The following SPAG9 variants were observed in gnomAD, a reference collection of about 807,000 sequenced individuals.
SPAG9 encodes sperm associated antigen 9.
SPAG9 carries 35 observed loss-of-function variants against 166.5 expected under a neutral mutation model. That is an observed-to-expected ratio of 0.21 (90% confidence interval 0.16 to 0.28). SPAG9 has a LOEUF of 0.28. Among genes scored for constraint, SPAG9 ranks in the 10% least tolerant of loss-of-function variants. SPAG9 has a pLI of 1.00. For missense variants in SPAG9, 1,235 were observed against 1,603.3 expected (o/e 0.77, Z 3.92); for synonymous variants, 534 against 565.5 (o/e 0.94, Z 0.79).
intron 9 of SPAG9, among the ~76,000 whole-genome samples, chr17:51,013,377 C>A (rs1167436354): frequency 1.3e-5 from 2 of 152,152 alleles, no homozygotes; most frequent in Non-Finnish European, 2.9e-5. Flanking sequence ...TCATCTAGGG[C>A]AGGGGTTGGC....
chr17:51,114,767 C>T (rs1246812893), intron 1 of SPAG9, among the ~76,000 whole-genome samples: 1 of 152,156 alleles, frequency 6.6e-6, no homozygotes, highest in Non-Finnish European at 1.5e-5. Context: ...CCCTGGCCAA[C>T]ATGGTGAAAC....
chr17:50,981,637 T>G lies in SPAG9; in HGVS notation c.3237+887A>C, dbSNP rs546833383. Among the ~76,000 whole-genome samples, 17 of 149,974 alleles carry G rather than the reference T, an allele frequency of 1.1e-4. No individual in the cohort carries two copies. The South Asian group carries it at 3.6e-3, about 32-fold the overall frequency. On this transcript the variant is annotated intron_variant, in intron 25 of 29. Coordinates refer to ENST00000262013, the MANE Select transcript of SPAG9 (RefSeq NM_001130528.3). ...GAAAGAAATGTGATTTGGGGGAGGG[T>G]GAAGGAGGGCTTTCACCTTAAAATT... is the stretch of plus-strand genomic sequence containing the variant.
intron 16 of SPAG9, chr17:50,996,320 ACTC>A: frequency 2.2e-6 from 1 of 452,858 alleles, no homozygotes; most frequent in Non-Finnish European, 3.9e-6. Flanking sequence ...GGTACCTCAA[ACTC>A]CATGCACTTA....
chr17:51,018,025 C>T (rs949785516), intron 8 of SPAG9, among the ~76,000 whole-genome samples: 1 of 152,178 alleles, frequency 6.6e-6, no homozygotes, highest in Non-Finnish European at 1.5e-5. Flanking sequence ...AAGGCAGTAG[C>T]TCCTGTCTGA....
chr17:51,036,455 A>G (rs2046586609), intron 5 of SPAG9, among the ~76,000 whole-genome samples: 1 of 151,984 alleles, frequency 6.6e-6, no homozygotes, highest in South Asian at 2.1e-4. Flanking sequence ...TTCAGCGCTC[A>G]AGTCTCTTAC....
chr17:51,008,748 C>T (rs1286613806), intron 9 of SPAG9, among the ~76,000 whole-genome samples: 1 of 152,064 alleles, frequency 6.6e-6, no homozygotes, highest in Non-Finnish European at 1.5e-5. Context: ...TATCTACAAA[C>T]TGAAACCAAA....
intron 8 of SPAG9, among the ~76,000 whole-genome samples, chr17:51,014,845 G>A (rs2045633427): frequency 6.6e-6 from 1 of 151,108 alleles, no homozygotes; most frequent in Non-Finnish European, 1.5e-5. Flanking sequence ...AGAAACCCAT[G>A]ATACAAAGGT....
rs1362112945 is a variant in SPAG9, at chr17:50,995,171, A to C, written c.2112T>G (p.Gly704=). The change falls in exon 18 of 30, where the codon GGT becomes GGG. Residue 704 remains glycine (G), a synonymous_variant. Coordinates refer to ENST00000262013, the MANE Select transcript of SPAG9 (RefSeq NM_001130528.3). ...NLSGGKTRDG[G]SVVGASVFYK... ...AAAATACACTTGCTCCAACAACAGA[A>C]CCACCATCTCTGGTCTTCCCACCAG... 1 of 1,613,976 alleles carries C rather than the reference A, an allele frequency of 6.2e-7. No individual in the cohort carries two copies. Among genetic ancestry groups the C allele is most frequent in the Admixed American group, 1.7e-5 (1 of 59,996 alleles).
chr17:51,076,502 G>A (rs1028617204), intron 2 of SPAG9, among the ~76,000 whole-genome samples: 4 of 152,076 alleles, frequency 2.6e-5, no homozygotes, highest in Admixed American at 6.5e-5. Flanking sequence ...TTGGGAGGCC[G>A]AGGCAGGCGG....
intron 16 of SPAG9, chr17:50,996,355 C>A: frequency 1.8e-6 from 1 of 552,574 alleles, no homozygotes; most frequent in Non-Finnish European, 3.2e-6. Context: ...TTGACTCCTC[C>A]CCCCCTCACA....
chr17:51,114,750 T>C (rs2049233010), intron 1 of SPAG9, among the ~76,000 whole-genome samples: 1 of 151,910 alleles, frequency 6.6e-6, no homozygotes, highest in African/African-American at 2.4e-5. Context: ...TCAGGAGTTT[T>C]ACACCACCCT....
chr17:51,106,269 C>T (rs1375441877), intron 1 of SPAG9, among the ~76,000 whole-genome samples: 2 of 152,036 alleles, frequency 1.3e-5, no homozygotes, highest in African/African-American at 4.8e-5. Context: ...CTCCACTGCA[C>T]ACCAGCCTGG....
chr17:51,029,579 C>T (rs930630806), intron 6 of SPAG9, among the ~76,000 whole-genome samples: 1 of 152,068 alleles, frequency 6.6e-6, no homozygotes, highest in African/African-American at 2.4e-5. Flanking sequence ...TATTACTCAG[C>T]CTTAAAAAGG....
chr17:51,081,532 T>A (rs2048164386), intron 1 of SPAG9, among the ~76,000 whole-genome samples: 1 of 151,606 alleles, frequency 6.6e-6, no homozygotes, highest in South Asian at 2.1e-4. Flanking sequence ...TCACCTGAGG[T>A]CAGGAGTTCG....
intron 13 of SPAG9, 63 bp downstream of exon 13, chr17:51,001,652 T>C: frequency 1.3e-6 from 2 of 1,517,380 alleles, no homozygotes; most frequent in Non-Finnish European, 1.8e-6. Flanking sequence ...AAGTTCCACA[T>C]GAAGGAATAT....
chr17:51,064,161 T>C (rs999046382), intron 2 of SPAG9, among the ~76,000 whole-genome samples: 1 of 152,214 alleles, frequency 6.6e-6, no homozygotes, highest in African/African-American at 2.4e-5. Flanking sequence ...AACAGAAGGT[T>C]TATCATTCTG....
Position 50,990,469 on chromosome 17 carries a change from T to A in SPAG9, c.2598A>T (p.Pro866=). The part of the protein sequence containing the change: ...ATSPSTNGAS[P]VMDKPPEMEA... ...ATATACCTGGTGGTTTATCCATCACTGGAGAAGCACCATTTGTACTAGGGG... is the reference window on the plus strand; with the variant it reads ...ATATACCTGGTGGTTTATCCATCACAGGAGAAGCACCATTTGTACTAGGGG... The change falls in exon 20 of 30, where the codon CCA becomes CCT. Residue 866 remains proline (P), a synonymous_variant. Transcript: ENST00000262013. 6.2e-7 allele frequency: 1 copy of A among 1,614,084 alleles called. No homozygotes were observed. Among genetic ancestry groups the A allele is most frequent in the Non-Finnish European group, 8.5e-7 (1 of 1,179,882 alleles).
rs556557510 is a variant in SPAG9 at position 51,008,668 on chromosome 17, C to T, written c.1214-1342G>A. On this transcript the variant is annotated intron_variant, in intron 9 of 29. Transcript: ENST00000262013. Reference sequence around the variant, plus strand: ...CATATTTTGTCTATATTCTAATTTTCTCAAAGATCAGGGTACTTACACCAG... The same window carrying T: ...CATATTTTGTCTATATTCTAATTTTTTCAAAGATCAGGGTACTTACACCAG... Among the ~76,000 whole-genome samples the T allele has an allele frequency of 5.9e-5, 9 of 152,172 alleles. No homozygotes were observed. In the East Asian group the frequency reaches 1.7e-3, roughly 29 times the overall value.
intron 1 of SPAG9, among the ~76,000 whole-genome samples, chr17:51,095,659 G>GA (rs1223353000): frequency 7.0e-6 from 1 of 142,322 alleles, no homozygotes; most frequent in East Asian, 2.0e-4. Flanking sequence ...TCCAAAAAAA[G>GA]AAAAAAATGT....
Sources: gnomAD v4.1 joint callset for allele counts (sites outside exome capture counted in the v4.1 genomes callset) on GRCh38, gnomAD v4.1.1 for gene constraint, MANE v1.5 for transcripts, NCBI Gene and HGNC (gene_info 2026-07-23, HGNC 2026-07-21) for gene names.